UNC5C: variants seen among roughly 807,000 people sequenced by gnomAD.
The protein encoded by UNC5C is netrin receptor UNC5C.
UNC5C carries 47 observed loss-of-function variants against 99.8 expected under a neutral mutation model. The observed-to-expected ratio is 0.47, with a 90% confidence interval of 0.37 to 0.60. UNC5C has a LOEUF of 0.60. Ranked by LOEUF, UNC5C falls within the 20% of genes least tolerant of loss-of-function variation. The pLI, the probability that UNC5C is intolerant of heterozygous loss-of-function variation, is 0.00. For missense variants in UNC5C, 1,062 were observed against 1,165.9 expected (o/e 0.91, Z 1.30); for synonymous variants, 487 against 452.2 (o/e 1.08, Z -0.98).
chr4:95,505,185 A>T lies in UNC5C; in HGVS notation c.124+43549T>A, dbSNP rs1721881310. 2.0e-5 allele frequency among the ~76,000 whole-genome samples: 3 copies of T among 152,106 alleles called. No individual in the cohort carries two copies. In the South Asian group the frequency reaches 6.2e-4, roughly 31 times the overall value. ...GGCAAGGAACAATTTATTGATTAAG[A>T]ACAGTAGCAAATGAACAACTTACGG... On this transcript the variant is annotated intron_variant, in intron 1 of 15. Coordinates refer to ENST00000453304, the MANE Select transcript of UNC5C (RefSeq NM_003728.4).
At chr4:95,502,371 C>A (rs183792913) in intron 1 of UNC5C, among the ~76,000 whole-genome samples, 2 of 152,036 alleles carry the variant, frequency 1.3e-5, no homozygotes, top group Non-Finnish European at 2.9e-5. Context: ...TGGGTTCAAT[C>A]GATCCTCCCC....
At chr4:95,381,021 A>G (rs1745053190) in intron 1 of UNC5C, among the ~76,000 whole-genome samples, 2 of 152,234 alleles carry the variant, frequency 1.3e-5, no homozygotes, top group African/African-American at 4.8e-5. Flanking sequence ...ATTACATAGG[A>G]GAAGAAAACA....
At chr4:95,233,792 G>A (rs1738998504) in intron 7 of UNC5C, among the ~76,000 whole-genome samples, 2 of 152,034 alleles carry the variant, frequency 1.3e-5, no homozygotes. Flanking sequence ...AAAATTAGGT[G>A]GGTAGGGTGG....
chr4:95,192,402 C>T (rs1447692684), intron 12 of UNC5C, among the ~76,000 whole-genome samples: 1 of 124,108 alleles, frequency 8.1e-6, no homozygotes, highest in Admixed American at 7.9e-5. Context: ...TTCTGCCCAC[C>T]TCCTCCCCCC....
At chr4:95,508,129 A>T (rs1721972453) in intron 1 of UNC5C, among the ~76,000 whole-genome samples, 1 of 151,928 alleles carries the variant, frequency 6.6e-6, no homozygotes, top group South Asian at 2.1e-4. Context: ...CCTATACAGG[A>T]TACTCTTTAT....
chr4:95,356,577 T>C (rs908680464), intron 1 of UNC5C, among the ~76,000 whole-genome samples: 1 of 152,148 alleles, frequency 6.6e-6, no homozygotes, highest in Non-Finnish European at 1.5e-5. Flanking sequence ...AAAATCCAAG[T>C]TGTAAAGACA....
At chr4:95,341,184 T>C (rs1274237392) in intron 1 of UNC5C, among the ~76,000 whole-genome samples, 1 of 151,170 alleles carries the variant, frequency 6.6e-6, no homozygotes, top group African/African-American at 2.4e-5. Context: ...TAAATACATA[T>C]GTACGAAGAT....
chr4:95,175,052 A>G (rs1012908042), intron 14 of UNC5C, among the ~76,000 whole-genome samples: 7 of 152,020 alleles, frequency 4.6e-5, no homozygotes, highest in Admixed American at 4.6e-4. Context: ...TTTATCAGAG[A>G]CTAGGATTGC....
At chr4:95,186,327 G>A (rs1736828154) in intron 12 of UNC5C, among the ~76,000 whole-genome samples, 2 of 152,322 alleles carry the variant, frequency 1.3e-5, no homozygotes, top group South Asian at 4.1e-4. Flanking sequence ...CATTCAGACT[G>A]TAACATGCAT....
intron 1 of UNC5C, among the ~76,000 whole-genome samples, chr4:95,482,249 C>A (rs1390347838): frequency 1.3e-5 from 2 of 151,384 alleles, no homozygotes; most frequent in Non-Finnish European, 3.0e-5. Context: ...CCAAAAGACA[C>A]ATGAAAAAAT....
chr4:95,410,197 T>C (rs779258333), intron 1 of UNC5C, among the ~76,000 whole-genome samples: 1 of 152,138 alleles, frequency 6.6e-6, no homozygotes, highest in Non-Finnish European at 1.5e-5. Context: ...TTCAGAGAAG[T>C]TAGGCACTGT....
chr4:95,438,509 T>C (rs1451344407), intron 1 of UNC5C, among the ~76,000 whole-genome samples: 1 of 152,120 alleles, frequency 6.6e-6, no homozygotes, highest in Non-Finnish European at 1.5e-5. Context: ...AAAGTATATG[T>C]CTCAAAACAG....
chr4:95,411,885 C>T, intron 1 of UNC5C, among the ~76,000 whole-genome samples: 1 of 152,090 alleles, frequency 6.6e-6, no homozygotes, highest in East Asian at 1.9e-4. Context: ...TAAGGACCTT[C>T]TCATTTCTTG....
At position 95,189,486 on chromosome 4, in the gene UNC5C, C is replaced by CA. The variant is rs1736977018; in HGVS notation, c.2137-4291dup. ...CAATGGCAACAGAAGCCAAAATTGA[C>CA]AATGGGATCTAATTAAACTAAAGAG... On this transcript the variant is annotated intron_variant, in intron 12 of 15. Coordinates refer to ENST00000453304, the MANE Select transcript of UNC5C (RefSeq NM_003728.4). Among the ~76,000 whole-genome samples the CA allele has an allele frequency of 2.0e-5, 3 of 152,204 alleles. No individual in the cohort carries two copies. The South Asian group carries it at 6.2e-4, about 32-fold the overall frequency.
chr4:95,386,286 T>C (rs1579375163), intron 1 of UNC5C, among the ~76,000 whole-genome samples: 1 of 152,156 alleles, frequency 6.6e-6, no homozygotes, highest in East Asian at 1.9e-4. Context: ...GTTACTTATG[T>C]ATACATGTGC....
intron 1 of UNC5C, among the ~76,000 whole-genome samples, chr4:95,509,344 G>C (rs1722005280): frequency 6.6e-6 from 1 of 151,714 alleles, no homozygotes. Context: ...CAGAATCTTA[G>C]TCTATAATTC....
At chr4:95,402,418 T>C (rs936083238) in intron 1 of UNC5C, among the ~76,000 whole-genome samples, 1 of 152,222 alleles carries the variant, frequency 6.6e-6, no homozygotes, top group Non-Finnish European at 1.5e-5. Context: ...TTATTTTGTA[T>C]AATCAGCACA....
chr4:95,481,825 G>A (rs951092574), intron 1 of UNC5C, among the ~76,000 whole-genome samples: 2 of 152,012 alleles, frequency 1.3e-5, no homozygotes, highest in Admixed American at 1.3e-4. Context: ...GCTGAAAGTG[G>A]ATCCCTTCCT....
At chr4:95,187,485 G>A (rs1382702719) in intron 12 of UNC5C, among the ~76,000 whole-genome samples, 1 of 152,170 alleles carries the variant, frequency 6.6e-6, no homozygotes, top group Non-Finnish European at 1.5e-5. Flanking sequence ...CAGAGGATAT[G>A]AAGAGCATTA....
Sources: allele counts gnomAD v4.1 joint callset (sites outside exome capture counted in the v4.1 genomes callset), GRCh38; gene constraint gnomAD v4.1.1; transcripts MANE v1.5; gene names NCBI Gene and HGNC (gene_info 2026-07-23, HGNC 2026-07-21).